Variants in SIAH3 observed in about 807,000 individuals in gnomAD.
SIAH3 encodes siah E3 ubiquitin protein ligase family member 3.
SIAH3 carries 9 observed loss-of-function variants against 12.6 expected under a neutral mutation model. That is an observed-to-expected ratio of 0.72 (90% confidence interval 0.43 to 1.25). The LOEUF (loss-of-function observed/expected upper bound fraction) is 1.25. Among genes scored for constraint, SIAH3 ranks in the 50% most tolerant of loss-of-function variants. The pLI, the probability that SIAH3 is intolerant of heterozygous loss-of-function variation, is 0.00. For synonymous variants in SIAH3, 154 were observed against 151.1 expected (o/e 1.02, Z -0.14); for missense variants, 390 against 365.4 (o/e 1.07, Z -0.55).
At chr13:45,819,785 C>T (rs1046983507) in intron 1 of SIAH3, among the ~76,000 whole-genome samples, 1 of 152,184 alleles carries the variant, frequency 6.6e-6, no homozygotes, top group Non-Finnish European at 1.5e-5. Flanking sequence ...TCCCTCAAAG[C>T]CCCAAACCCA....
chr13:45,837,556 G>A (rs1023735), intron 1 of SIAH3, among the ~76,000 whole-genome samples: 1 of 116,718 alleles, frequency 8.6e-6, no homozygotes, highest in African/African-American at 2.9e-5. Flanking sequence ...AAGGAAAGAA[G>A]GAGGGAAGGA....
chr13:45,851,457 C>T (rs1950781548), intron 1 of SIAH3, 38 bp downstream of exon 1: 1 of 1,611,930 alleles, frequency 6.2e-7, no homozygotes, highest in African/African-American at 1.3e-5. Flanking sequence ...AGGACTTGAA[C>T]CTGAGCCCGG....
At chr13:45,798,289 TG>T (rs1211989076) in intron 1 of SIAH3, among the ~76,000 whole-genome samples, 2 of 152,242 alleles carry the variant, frequency 1.3e-5, no homozygotes, top group Non-Finnish European at 2.9e-5. Context: ...CAGGGCCCAT[TG>T]ATTTCCATAC....
intron 1 of SIAH3, among the ~76,000 whole-genome samples, chr13:45,795,202 A>G (rs1358776511): frequency 6.6e-6 from 1 of 152,232 alleles, no homozygotes; most frequent in Non-Finnish European, 1.5e-5. Flanking sequence ...ACACTATGGT[A>G]TTCCCAGAGT....
intron 1 of SIAH3, among the ~76,000 whole-genome samples, chr13:45,837,243 G>C (rs928545984): frequency 2.0e-4 from 30 of 152,172 alleles, no homozygotes; most frequent in Admixed American, 1.5e-3. Flanking sequence ...GAGGATTTAA[G>C]AGACTCATCT....
At chr13:45,825,328 G>A (rs1054511583) in intron 1 of SIAH3, among the ~76,000 whole-genome samples, 1 of 152,148 alleles carries the variant, frequency 6.6e-6, no homozygotes, top group African/African-American at 2.4e-5. Flanking sequence ...TGGCAGACAG[G>A]ATTCAGAATG....
At chr13:45,811,222 T>C (rs1593380859) in intron 1 of SIAH3, among the ~76,000 whole-genome samples, 1 of 152,142 alleles carries the variant, frequency 6.6e-6, no homozygotes, top group Non-Finnish European at 1.5e-5. Context: ...CTGGTGGTGG[T>C]GATGGTAATG....
At position 45,782,912 on chromosome 13, in the gene SIAH3, T is replaced by C. The variant is rs1264229441; in HGVS notation, c.*471A>G. The C allele has an allele frequency of 6.6e-5, 10 of 152,584 alleles. No homozygotes were observed. Among genetic ancestry groups the C allele is most frequent in the Non-Finnish European group, 1.5e-4 (10 of 68,338 alleles). 9.5% of individuals were successfully genotyped at this position (152,584 alleles called of 1,614,324 possible). A position where few individuals can be genotyped will look rare whatever the true frequency, so the allele number is the denominator to read the frequency against. On this transcript the variant is annotated 3_prime_UTR_variant, in exon 2 of 2. Coordinates refer to ENST00000400405, the MANE Select transcript of SIAH3 (RefSeq NM_198849.3). ...GATGGTCTGAAATGTGATCCATCTC[T>C]GAGCTGGGCCCCTTCCCCAACCTGC...
chr13:45,838,932 G>A (rs886994291), intron 1 of SIAH3, among the ~76,000 whole-genome samples: 3 of 151,964 alleles, frequency 2.0e-5, no homozygotes, highest in African/African-American at 7.3e-5. Flanking sequence ...TCCTTCACTC[G>A]GTTCTTCTCA....
At chr13:45,813,359 G>A (rs1053265752) in intron 1 of SIAH3, among the ~76,000 whole-genome samples, 11 of 152,184 alleles carry the variant, frequency 7.2e-5, no homozygotes, top group African/African-American at 1.9e-4. Flanking sequence ...CCAGAGCAAA[G>A]GTAGCAAAAG....
At chr13:45,835,713 C>G (rs1048989847) in intron 1 of SIAH3, among the ~76,000 whole-genome samples, 4 of 152,182 alleles carry the variant, frequency 2.6e-5, no homozygotes, top group African/African-American at 9.7e-5. Flanking sequence ...TCATCTACCC[C>G]ATCTGTGAGC....
chr13:45,849,321 C>G (rs1336014085), intron 1 of SIAH3, among the ~76,000 whole-genome samples: 1 of 152,112 alleles, frequency 6.6e-6, no homozygotes, highest in Non-Finnish European at 1.5e-5. Context: ...AAAAAGTGAG[C>G]TATGTCCTCT....
rs1324596110 is a variant in SIAH3 at position 45,778,465 on chromosome 13, C to G, written c.*4918G>C. ...GTGTCCGGGGAGAAAGCAGAGGGTG[C>G]TCTGTGGCAGAAAATGCTCTTGAAG... On this transcript the variant is annotated 3_prime_UTR_variant, in exon 2 of 2. Transcript: ENST00000400405. 1.3e-5 allele frequency: 2 copies of G among 152,246 alleles called. No homozygotes were observed. Among genetic ancestry groups the G allele is most frequent in the Non-Finnish European group, 1.5e-5 (1 of 68,048 alleles). The allele number at this position is 152,246 out of a possible 1,614,324, so 9.4% of individuals were successfully genotyped here. A position where few individuals can be genotyped will look rare whatever the true frequency, so the allele number is the denominator to read the frequency against.
At chr13:45,797,443 A>T (rs1950566948) in intron 1 of SIAH3, among the ~76,000 whole-genome samples, 1 of 152,190 alleles carries the variant, frequency 6.6e-6, no homozygotes, top group Non-Finnish European at 1.5e-5. Flanking sequence ...GTAGAAGGGA[A>T]GGTACATGCA....
Position 45,783,153 on chromosome 13 carries a change from A to G in SIAH3, c.*230T>C. 3.2e-6 allele frequency: 1 copy of G among 312,978 alleles called. No individual in the cohort carries two copies. 19.4% of individuals were successfully genotyped at this position (312,978 alleles called of 1,614,324 possible). On this transcript the variant is annotated 3_prime_UTR_variant, in exon 2 of 2. Coordinates refer to ENST00000400405, the MANE Select transcript of SIAH3 (RefSeq NM_198849.3). ...TATAAAACAACACCAACAAGGCAGG[A>G]CAAACATCACACCAAGATCTTAAAT... is the stretch of plus-strand genomic sequence containing the variant.
chr13:45,801,442 T>C (rs1167722774), intron 1 of SIAH3, among the ~76,000 whole-genome samples: 1 of 152,052 alleles, frequency 6.6e-6, no homozygotes, highest in Non-Finnish European at 1.5e-5. Context: ...GAAGGTGCAA[T>C]CAGATTACAG....
intron 1 of SIAH3, among the ~76,000 whole-genome samples, chr13:45,816,084 C>G (rs1055231231): frequency 6.6e-6 from 1 of 152,218 alleles, no homozygotes; most frequent in African/African-American, 2.4e-5. Flanking sequence ...CAGGCGCACA[C>G]AGGCAGATGG....
chr13:45,814,794 C>T (rs962363185), intron 1 of SIAH3, among the ~76,000 whole-genome samples: 5 of 151,192 alleles, frequency 3.3e-5, no homozygotes, highest in African/African-American at 7.4e-5. Context: ...GGTGCGATCT[C>T]GCACTGCAAC....
intron 1 of SIAH3, among the ~76,000 whole-genome samples, chr13:45,841,706 A>G (rs907724493): frequency 2.0e-5 from 3 of 152,236 alleles, no homozygotes; most frequent in African/African-American, 7.2e-5. Flanking sequence ...TGCCATAGTC[A>G]AGATGAATAT....
Sources: allele counts gnomAD v4.1 joint callset (sites outside exome capture counted in the v4.1 genomes callset), GRCh38; gene constraint gnomAD v4.1.1; transcripts MANE v1.5; gene names NCBI Gene and HGNC (gene_info 2026-07-23, HGNC 2026-07-21).